SH2D4A: variants seen among roughly 807,000 people sequenced by gnomAD.
The protein encoded by SH2D4A is SH2 domain-containing protein 4A.
In SH2D4A, 70 loss-of-function variants were observed where a neutral mutation model predicts 64.7. The observed-to-expected ratio is 1.08, with a 90% CI of 0.89 to 1.32. The LOEUF (loss-of-function observed/expected upper bound fraction) is 1.32, where lower values mean the gene tolerates loss of function less well. Among genes scored for constraint, SH2D4A ranks in the 40% most tolerant of loss-of-function variants. The pLI, the probability that SH2D4A is intolerant of heterozygous loss-of-function variation, is 0.00. For synonymous variants in SH2D4A, 268 were observed against 200.7 expected (o/e 1.34, Z -2.83); for missense variants, 706 against 540.1 (o/e 1.31, Z -3.04).
chr8:19,356,749 C>T (rs1306777836), intron 4 of SH2D4A, among the ~76,000 whole-genome samples: 2 of 152,198 alleles, frequency 1.3e-5, no homozygotes, highest in South Asian at 2.1e-4. Flanking sequence ...CTGGGCAGGG[C>T]TCCCACGCAC....
chr8:19,388,223 G>C (rs997444806), intron 8 of SH2D4A, among the ~76,000 whole-genome samples: 1 of 152,232 alleles, frequency 6.6e-6, no homozygotes, highest in Non-Finnish European at 1.5e-5. Flanking sequence ...CAAGAGCCCT[G>C]GAAGTGTCAT....
At chr8:19,318,758 T>C (rs963735298) in intron 1 of SH2D4A, among the ~76,000 whole-genome samples, 14 of 152,354 alleles carry the variant, frequency 9.2e-5, no homozygotes, top group African/African-American at 3.1e-4. Flanking sequence ...AATTACATTA[T>C]CCTTTTGTGA....
At chr8:19,352,925 A>T (rs1029457899) in intron 4 of SH2D4A, among the ~76,000 whole-genome samples, 1 of 152,132 alleles carries the variant, frequency 6.6e-6, no homozygotes, top group Non-Finnish European at 1.5e-5. Flanking sequence ...TGGGAGGATC[A>T]CTTGAGCCCA....
intron 8 of SH2D4A, among the ~76,000 whole-genome samples, chr8:19,376,564 G>A (rs1052521512): frequency 1.3e-5 from 2 of 152,148 alleles, no homozygotes; most frequent in Non-Finnish European, 2.9e-5. Flanking sequence ...ACAGGTTATA[G>A]CGAGCTGAGA....
At chr8:19,333,201 G>A in intron 3 of SH2D4A, 87 bp downstream of exon 3, 3 of 1,445,914 alleles carry the variant, frequency 2.1e-6, no homozygotes, top group Non-Finnish European at 2.8e-6. Flanking sequence ...CACAGTATCA[G>A]GTGGGAGAGT....
At chr8:19,363,977 A>G in intron 6 of SH2D4A, 95 bp from the exon 7 acceptor site, 1 of 1,151,446 alleles carries the variant, frequency 8.7e-7, no homozygotes, top group Non-Finnish European at 1.3e-6. Context: ...AACTGCTGAG[A>G]ACCTGCGCTG....
intron 1 of SH2D4A, among the ~76,000 whole-genome samples, chr8:19,318,915 A>T (rs541093227): frequency 6.6e-6 from 1 of 151,060 alleles, no homozygotes; most frequent in African/African-American, 2.4e-5. Flanking sequence ...ACTCTGTGAC[A>T]TATCAAAAGT....
intron 4 of SH2D4A, among the ~76,000 whole-genome samples, chr8:19,349,647 T>C (rs923605308): frequency 3.3e-5 from 5 of 152,216 alleles, no homozygotes; most frequent in Non-Finnish European, 5.9e-5. Flanking sequence ...AAATGGACAT[T>C]AAAGTAGCTA....
chr8:19,343,049 A>G (rs1270955450), intron 4 of SH2D4A, among the ~76,000 whole-genome samples: 2 of 152,116 alleles, frequency 1.3e-5, no homozygotes, highest in African/African-American at 4.8e-5. Context: ...AGAGGGTTGT[A>G]TTTGTACTGC....
At chr8:19,358,921 T>G (rs752593549) in intron 5 of SH2D4A, among the ~76,000 whole-genome samples, 3 of 152,198 alleles carry the variant, frequency 2.0e-5, no homozygotes, top group Admixed American at 6.5e-5. Context: ...CCTGGGCATC[T>G]GGATTAGCAT....
chr8:19,371,649 T>C (rs1408490843), intron 7 of SH2D4A, among the ~76,000 whole-genome samples: 1 of 152,212 alleles, frequency 6.6e-6, no homozygotes. Flanking sequence ...TTTCTTTGCA[T>C]AAGCATTTAA....
rs369951449 is a variant in SH2D4A at position 19,375,221 on chromosome 8, A to T, written c.1048+1561A>T. 3.3e-5 allele frequency: 5 copies of T among 152,370 alleles called. No homozygotes were observed. In the East Asian group the frequency reaches 9.6e-4, roughly 29 times the overall value. 9.4% of individuals were successfully genotyped at this position (152,370 alleles called of 1,614,324 possible). On this transcript the variant is annotated intron_variant, in intron 8 of 9. Coordinates refer to ENST00000265807, the MANE Select transcript of SH2D4A (RefSeq NM_022071.4). ...AGCAAAATAAAACTGTATAATTAAT[A>T]ACCATTACATAGCCATATAGTCAGT...
chr8:19,350,585 G>A (rs1301943984), intron 4 of SH2D4A, among the ~76,000 whole-genome samples: 1 of 152,100 alleles, frequency 6.6e-6, no homozygotes, highest in Non-Finnish European at 1.5e-5. Context: ...CCAGGCTCAG[G>A]TGATCCTCCC....
intron 4 of SH2D4A, among the ~76,000 whole-genome samples, chr8:19,335,474 G>C (rs1367386267): frequency 6.6e-6 from 1 of 152,154 alleles, no homozygotes; most frequent in Non-Finnish European, 1.5e-5. Flanking sequence ...TATGTCTTCT[G>C]TTACAGCAGA....
At chr8:19,335,080 G>A (rs1045524535) in intron 4 of SH2D4A, among the ~76,000 whole-genome samples, 2 of 151,990 alleles carry the variant, frequency 1.3e-5, no homozygotes, top group Admixed American at 6.5e-5. Flanking sequence ...TCAGGAGATC[G>A]AGACCATCCT....
intron 8 of SH2D4A, among the ~76,000 whole-genome samples, chr8:19,390,219 AAAAATAC>A (rs760948833): frequency 2.0e-5 from 3 of 152,138 alleles, no homozygotes; most frequent in Non-Finnish European, 4.4e-5. Flanking sequence ...TATCTCTGCT[AAAAATAC>A]AAAAATTAGC....
At position 19,332,942 on chromosome 8, in the gene SH2D4A, T is replaced by C. The variant is rs760417929; in HGVS notation, c.182-13T>C. On this transcript the variant is annotated splice_polypyrimidine_tract_variant and intron_variant, in intron 2 of 9. Coordinates refer to ENST00000265807, the MANE Select transcript of SH2D4A (RefSeq NM_022071.4). ...GTTCAATCTGAATTTTTTGTTTGTG[T>C]GTTTGTTTGCAGAGAATGGCAAATC... 28 of 1,606,388 alleles carry C rather than the reference T, an allele frequency of 1.7e-5. No homozygotes were observed. The African/African-American group carries it at 3.4e-4, about 19-fold the overall frequency.
intron 4 of SH2D4A, among the ~76,000 whole-genome samples, chr8:19,354,750 C>G (rs1368596873): frequency 6.6e-6 from 1 of 152,198 alleles, no homozygotes; most frequent in Non-Finnish European, 1.5e-5. Context: ...TGTACCCATA[C>G]AGATGACAGT....
rs1585222886 is a variant in SH2D4A, at chr8:19,394,659, C to T, written c.*17C>T. 1 of 1,584,316 alleles carries T rather than the reference C, an allele frequency of 6.3e-7. No individual in the cohort carries two copies. Among genetic ancestry groups the T allele is most frequent in the Middle Eastern group, 1.7e-4 (1 of 5,920 alleles). On this transcript the variant is annotated 3_prime_UTR_variant, in exon 10 of 10. Transcript: ENST00000265807. Reference sequence around the variant, plus strand: ...TTTGAGTGACAGCCTCCATCAGGGTCATCCTACAGCCTCCAAGCGGGCTTT... The same window carrying T: ...TTTGAGTGACAGCCTCCATCAGGGTTATCCTACAGCCTCCAAGCGGGCTTT...
Sources: gnomAD v4.1 joint callset for allele counts (sites outside exome capture counted in the v4.1 genomes callset) on GRCh38, gnomAD v4.1.1 for gene constraint, MANE v1.5 for transcripts, NCBI Gene and HGNC (gene_info 2026-07-23, HGNC 2026-07-21) for gene names.